CRKL: variants seen among roughly 807,000 people sequenced by gnomAD.
The protein encoded by CRKL is CRK like proto-oncogene, adaptor protein.
In CRKL, 3 loss-of-function variants were observed where a neutral mutation model predicts 23.0. The ratio of observed to expected loss-of-function variants is 0.13; its 90% CI spans 0.06 to 0.34. CRKL has a LOEUF of 0.34. CRKL is among the 10% of genes least tolerant of loss of function. CRKL has a pLI of 1.00. For synonymous variants in CRKL, 188 were observed against 160.7 expected (o/e 1.17, Z -1.28); for missense variants, 256 against 394.5 (o/e 0.65, Z 2.97).
intron 1 of CRKL, among the ~76,000 whole-genome samples, chr22:20,929,550 G>C (rs1192379020): frequency 6.6e-6 from 1 of 151,886 alleles, no homozygotes; most frequent in Non-Finnish European, 1.5e-5. Flanking sequence ...TGCAACCTCC[G>C]CCTCCCGGGT....
chr22:20,922,183 C>T (rs575190657), intron 1 of CRKL, among the ~76,000 whole-genome samples: 58 of 151,586 alleles, frequency 3.8e-4, no homozygotes, highest in African/African-American at 1.3e-3. Flanking sequence ...CCACCATGTC[C>T]GGCTAATTTT....
intron 1 of CRKL, among the ~76,000 whole-genome samples, chr22:20,919,813 C>T (rs1047604393): frequency 2.6e-5 from 4 of 151,288 alleles, no homozygotes; most frequent in Non-Finnish European, 4.4e-5. Flanking sequence ...TTGAGGACAC[C>T]AACTGTTTGC....
intron 1 of CRKL, among the ~76,000 whole-genome samples, chr22:20,919,237 T>A (rs1188933988): frequency 1.3e-5 from 2 of 152,108 alleles, no homozygotes; most frequent in Non-Finnish European, 2.9e-5. Context: ...TAAGAGAAGG[T>A]GCATTGGCTT....
At chr22:20,947,112 T>C (rs756214118) in intron 2 of CRKL, among the ~76,000 whole-genome samples, 3 of 152,118 alleles carry the variant, frequency 2.0e-5, no homozygotes, top group Admixed American at 6.6e-5. Context: ...AGGCTGCTCT[T>C]TGACCTACTT....
chr22:20,921,397 A>G (rs1260716136), intron 1 of CRKL, among the ~76,000 whole-genome samples: 1 of 152,142 alleles, frequency 6.6e-6, no homozygotes. Context: ...ACCCAGTGTA[A>G]CCCAGTGTAG....
chr22:20,943,673 G>C (rs539516381), intron 2 of CRKL, among the ~76,000 whole-genome samples: 2 of 152,118 alleles, frequency 1.3e-5, no homozygotes, highest in East Asian at 3.9e-4. Context: ...TTTCCCTGTT[G>C]AATAGACTTG....
chr22:20,917,744 G>T lies in CRKL; in HGVS notation c.-191G>T. On this transcript the variant is annotated 5_prime_UTR_variant, in exon 1 of 3. Transcript: ENST00000354336. ...GCTCTCTCCGTGTGGCGGCCCCGGA[G>T]CAGGCGGGCGGCGTCGGAGGATGCT... The T allele has an allele frequency of 1.6e-6, 1 of 615,052 alleles. No individual in the cohort carries two copies. The highest frequency in any genetic ancestry group is 2.8e-6 in the Non-Finnish European group (1 of 358,712). The allele number at this position is 615,052 out of a possible 1,614,324, so 38.1% of individuals were successfully genotyped here. A position where few individuals can be genotyped will look rare whatever the true frequency, so the allele number is the denominator to read the frequency against.
chr22:20,943,683 G>T (rs568540620), intron 2 of CRKL, among the ~76,000 whole-genome samples: 10 of 152,164 alleles, frequency 6.6e-5, no homozygotes, highest in Non-Finnish European at 1.5e-4. Flanking sequence ...GAATAGACTT[G>T]GCACCCTAGT....
Position 20,951,262 on chromosome 22 carries a change from C to CACT in CRKL, c.*1417_*1418insACT. Reference sequence around the variant, plus strand: ...GTGCTGCTCATACTGGTCTCACAGTCTAAGTAAGTGTCTGTGATGCTCCCA... The same window carrying CACT: ...GTGCTGCTCATACTGGTCTCACAGTCACTTAAGTAAGTGTCTGTGATGCTCCCA... On this transcript the variant is annotated 3_prime_UTR_variant, in exon 3 of 3. Coordinates refer to ENST00000354336, the MANE Select transcript of CRKL (RefSeq NM_005207.4). 4.3e-6 allele frequency: 1 copy of CACT among 232,612 alleles called. No individual in the cohort carries two copies. The allele number at this position is 232,612 out of a possible 1,614,324, so 14.4% of individuals were successfully genotyped here.
chr22:20,949,686 A>G (rs750884680), intron 2 of CRKL, 25 bp from the exon 3 acceptor site: 18 of 1,607,770 alleles, frequency 1.1e-5, no homozygotes, highest in East Asian at 8.9e-5. Flanking sequence ...GAGAAATGCT[A>G]ACTTTGTCTT....
intron 2 of CRKL, among the ~76,000 whole-genome samples, chr22:20,937,334 CAG>C (rs1921701831): frequency 6.6e-6 from 1 of 151,888 alleles, no homozygotes; most frequent in African/African-American, 2.4e-5. Flanking sequence ...AGCTAGGAGT[CAG>C]AGTGGGTGTG....
chr22:20,950,602 G>A lies in CRKL; in HGVS notation c.*757G>A, dbSNP rs566860260. ...TAATTTTTGTATTTTTAGTAGAGAC[G>A]GGGTTTCATCATGTTGACCAGGCTG... On this transcript the variant is annotated 3_prime_UTR_variant, in exon 3 of 3. Transcript: ENST00000354336. 7.0e-5 allele frequency: 15 copies of A among 215,480 alleles called. No individual in the cohort carries two copies. The Admixed American group carries it at 7.0e-4, about 10-fold the overall frequency. 13.3% of individuals were successfully genotyped at this position (215,480 alleles called of 1,614,324 possible). A position where few individuals can be genotyped will look rare whatever the true frequency, so the allele number is the denominator to read the frequency against.
Position 20,949,959 on chromosome 22 carries a change from T to A in CRKL, c.*114T>A. 1 of 1,379,844 alleles carries A rather than the reference T, an allele frequency of 7.2e-7. No individual in the cohort carries two copies. The highest frequency in any genetic ancestry group is 9.7e-7 in the Non-Finnish European group (1 of 1,029,718). 85.5% of individuals were successfully genotyped at this position (1,379,844 alleles called of 1,614,324 possible). A position where few individuals can be genotyped will look rare whatever the true frequency, so the allele number is the denominator to read the frequency against. On this transcript the variant is annotated 3_prime_UTR_variant, in exon 3 of 3. Coordinates refer to ENST00000354336, the MANE Select transcript of CRKL (RefSeq NM_005207.4). The stretch of plus-strand genomic sequence containing the variant: ...CACACTGCATTGCCGAAGTCCAGCT[T>A]TCTGCAGACTGGCAGTCGCACACAC...
chr22:20,918,191 A>C lies in CRKL; in HGVS notation c.257A>C (p.Glu86Ala). 1 of 1,613,968 alleles carries C rather than the reference A, an allele frequency of 6.2e-7. No homozygotes were observed. Among genetic ancestry groups the C allele is most frequent in the Non-Finnish European group, 8.5e-7 (1 of 1,180,012 alleles). Reference sequence around the variant, plus strand: ...TTTGACCATTTGCCGGCCCTGCTGGAGTTTTACAAGATCCACTACCTGGAC... The same window carrying C: ...TTTGACCATTTGCCGGCCCTGCTGGCGTTTTACAAGATCCACTACCTGGAC... ...QEFDHLPALL[E>A]FYKIHYLDTT... The change falls in exon 1 of 3, where the codon GAG becomes GCG. Residue 86 changes from glutamate (E) to alanine (A), a missense_variant. Physicochemically the swap from Glu to Ala is moderately radical, Grantham distance 107. Transcript: ENST00000354336.
chr22:20,946,617 T>C (rs1922064022), intron 2 of CRKL, among the ~76,000 whole-genome samples: 1 of 152,050 alleles, frequency 6.6e-6, no homozygotes, highest in Non-Finnish European at 1.5e-5. Context: ...AGTTGGTATC[T>C]ACCCACATCA....
chr22:20,924,815 G>A (rs1386017025), intron 1 of CRKL, among the ~76,000 whole-genome samples: 1 of 152,130 alleles, frequency 6.6e-6, no homozygotes, highest in East Asian at 1.9e-4. Flanking sequence ...ACTCCATCCT[G>A]GGCGACAGAG....
At chr22:20,946,070 C>T (rs1183993566) in intron 2 of CRKL, among the ~76,000 whole-genome samples, 1 of 152,204 alleles carries the variant, frequency 6.6e-6, no homozygotes, top group Non-Finnish European at 1.5e-5. Context: ...GACCCATTCA[C>T]ATCACTCAAG....
In CRKL at chr22:20,934,316, C is replaced by A. The variant is rs199676712; in HGVS notation, c.777+72C>A. ...TTAATTTTTAGTTTTAGTTTAGTTT[C>A]TGCTCATTTAAGCTTATATTCATGG... is the stretch of plus-strand genomic sequence containing the variant. On this transcript the variant is annotated intron_variant, in intron 2 of 2. Transcript: ENST00000354336. The A allele has an allele frequency of 1.5e-4, 200 of 1,323,818 alleles. No individual in the cohort carries two copies. In the East Asian group the frequency reaches 4.1e-3, roughly 27 times the overall value. 82.0% of individuals were successfully genotyped at this position (1,323,818 alleles called of 1,614,324 possible).
chr22:20,929,328 CT>C (rs1436611658), intron 1 of CRKL, among the ~76,000 whole-genome samples: 2 of 151,134 alleles, frequency 1.3e-5, no homozygotes, highest in Non-Finnish European at 2.9e-5. Context: ...CCACGCTCAG[CT>C]AATTTTTTTG....
Sources: allele counts gnomAD v4.1 joint callset (sites outside exome capture counted in the v4.1 genomes callset), GRCh38; gene constraint gnomAD v4.1.1; transcripts MANE v1.5; gene names NCBI Gene and HGNC (gene_info 2026-07-23, HGNC 2026-07-21).